Variants in DYM observed in about 807,000 individuals in gnomAD.
DYM encodes the protein dymeclin.
A neutral mutation model predicts 93.1 loss-of-function variants in DYM; 78 were observed. The observed-to-expected ratio is 0.84, with a 90% confidence interval of 0.70 to 1.01. The LOEUF is 1.01. Among genes scored for constraint, DYM ranks in the 50% least tolerant of loss-of-function variants. DYM has a pLI of 0.00. For missense variants in DYM, 789 were observed against 845.0 expected, an observed-to-expected ratio of 0.93 and a Z score of 0.82; for synonymous variants, 321 against 319.7, an observed-to-expected ratio of 1.00 and a Z score of -0.04.
chr18:49,326,340 G>A (rs1202976333), intron 8 of DYM, among the ~76,000 whole-genome samples: 1 of 151,732 alleles, frequency 6.6e-6, no homozygotes, highest in Non-Finnish European at 1.5e-5. Context: ...ATTTTTTCTT[G>A]TACTGGAAAA....
At chr18:49,401,945 G>C (rs1378474098) in intron 2 of DYM, among the ~76,000 whole-genome samples, 1 of 151,322 alleles carries the variant, frequency 6.6e-6, no homozygotes, top group Non-Finnish European at 1.5e-5. Flanking sequence ...AGAATCACTT[G>C]AACCCGGAAG....
At chr18:49,077,652 A>G (rs763671485) in intron 17 of DYM, among the ~76,000 whole-genome samples, 5 of 152,198 alleles carry the variant, frequency 3.3e-5, no homozygotes, top group Non-Finnish European at 5.9e-5. Context: ...AAGCTTTGCT[A>G]TTGGCACATG....
intron 14 of DYM, among the ~76,000 whole-genome samples, chr18:49,190,939 C>A (rs1487156388): frequency 1.3e-5 from 2 of 152,102 alleles, no homozygotes; most frequent in Non-Finnish European, 2.9e-5. Flanking sequence ...ATAAAACATA[C>A]AAAATATATG....
At chr18:49,086,303 G>A (rs1388430165) in intron 17 of DYM, among the ~76,000 whole-genome samples, 6 of 152,172 alleles carry the variant, frequency 3.9e-5, no homozygotes, top group Admixed American at 1.3e-4. Context: ...GGCATCACAT[G>A]GGGAGGGGGC....
chr18:49,420,231 G>A lies in DYM; in HGVS notation c.140+10024C>T, dbSNP rs374250063. 1.4e-3 allele frequency among the ~76,000 whole-genome samples: 206 copies of A among 146,438 alleles called. 2 individuals are homozygous for A. The highest frequency in any genetic ancestry group is 4.7e-3 in the African/African-American group (187 of 39,750). ...CGCCCAGGCTGGAGTGCAATGGCGCGATCTCAGCTCCCCACAAGCTCTGCC... is the reference window on the plus strand; with the variant it reads ...CGCCCAGGCTGGAGTGCAATGGCGCAATCTCAGCTCCCCACAAGCTCTGCC... On this transcript the variant is annotated intron_variant, in intron 2 of 17. Transcript: ENST00000675505.
chr18:49,102,698 A>C (rs184807057), intron 16 of DYM, among the ~76,000 whole-genome samples: 1 of 152,094 alleles, frequency 6.6e-6, no homozygotes, highest in Non-Finnish European at 1.5e-5. Context: ...AGTTTGCTGA[A>C]AATGATGGTT....
chr18:49,052,186 A>G (rs1403717895), intron 17 of DYM, among the ~76,000 whole-genome samples: 1 of 152,186 alleles, frequency 6.6e-6, no homozygotes, highest in Non-Finnish European at 1.5e-5. Context: ...GCCTGGGAAC[A>G]CTTTAAAAGG....
At position 49,118,933 on chromosome 18, in the gene DYM, G is replaced by C. The variant is rs779752948; in HGVS notation, c.1729-7C>G. ...TGACATTTAGGTCTTGTGCCTTATA[G>C]AGAAAAGAAACCCCAACACAGAGTC... On this transcript the variant is annotated splice_polypyrimidine_tract_variant and splice_region_variant and intron_variant, in intron 15 of 17. Transcript: ENST00000675505. The C allele has an allele frequency of 1.2e-6, 2 of 1,613,478 alleles. No individual in the cohort carries two copies. Among genetic ancestry groups the C allele is most frequent in the Non-Finnish European group, 1.7e-6 (2 of 1,179,600 alleles).
chr18:49,286,660 G>T, intron 8 of DYM, 44 bp from the exon 9 acceptor site: 1 of 1,570,758 alleles, frequency 6.4e-7, no homozygotes. Context: ...CCACCAATGA[G>T]ATGAATGTAT....
intron 2 of DYM, among the ~76,000 whole-genome samples, chr18:49,405,344 C>T (rs939074323): frequency 2.0e-5 from 3 of 152,106 alleles, no homozygotes; most frequent in Non-Finnish European, 4.4e-5. Flanking sequence ...AATGGTGTTT[C>T]CTAGGTTTTC....
intron 6 of DYM, among the ~76,000 whole-genome samples, chr18:49,361,379 C>A (rs2066002827): frequency 6.6e-6 from 1 of 152,208 alleles, no homozygotes; most frequent in African/African-American, 2.4e-5. Context: ...CTCACAAATA[C>A]CTGTCTTTCC....
intron 16 of DYM, among the ~76,000 whole-genome samples, chr18:49,106,238 T>G (rs2080787692): frequency 6.6e-6 from 1 of 152,142 alleles, no homozygotes; most frequent in South Asian, 2.1e-4. Flanking sequence ...AACCCCTGCC[T>G]TTTGTTTTCC....
intron 8 of DYM, among the ~76,000 whole-genome samples, chr18:49,300,469 G>A (rs1278957834): frequency 4.0e-5 from 6 of 151,616 alleles, no homozygotes; most frequent in East Asian, 2.0e-4. Flanking sequence ...GCATGGTGGC[G>A]CATGCCTGTA....
intron 8 of DYM, among the ~76,000 whole-genome samples, chr18:49,315,458 G>A (rs1347677824): frequency 6.6e-6 from 1 of 152,158 alleles, no homozygotes; most frequent in Non-Finnish European, 1.5e-5. Flanking sequence ...AGATGTATGT[G>A]ATGTTACAAA....
intron 14 of DYM, among the ~76,000 whole-genome samples, chr18:49,193,319 A>G (rs1222323300): frequency 6.6e-6 from 1 of 152,182 alleles, no homozygotes; most frequent in Non-Finnish European, 1.5e-5. Flanking sequence ...TTTTGTATGC[A>G]TGCTTTCTCT....
intron 1 of DYM, among the ~76,000 whole-genome samples, chr18:49,438,681 G>A (rs1157523438): frequency 6.6e-6 from 1 of 152,142 alleles, no homozygotes; most frequent in Non-Finnish European, 1.5e-5. Flanking sequence ...GGTGCTACCT[G>A]CTAGGAACAG....
intron 14 of DYM, among the ~76,000 whole-genome samples, chr18:49,169,427 C>T (rs2088362036): frequency 6.6e-6 from 1 of 152,188 alleles, no homozygotes; most frequent in Admixed American, 6.5e-5. Flanking sequence ...GTTGAGTACA[C>T]AGCAGAGCAC....
intron 16 of DYM, among the ~76,000 whole-genome samples, chr18:49,110,645 T>C (rs962089931): frequency 1.3e-5 from 2 of 152,204 alleles, no homozygotes; most frequent in Admixed American, 6.5e-5. Context: ...TTTTCTTTTA[T>C]CTTTGATTTT....
intron 17 of DYM, among the ~76,000 whole-genome samples, chr18:49,064,167 C>T (rs1198725200): frequency 2.0e-5 from 3 of 152,150 alleles, no homozygotes; most frequent in Non-Finnish European, 4.4e-5. Context: ...CTACATGAAA[C>T]TGATAGTCTA....
Sources: gnomAD v4.1 joint callset for allele counts (sites outside exome capture counted in the v4.1 genomes callset) on GRCh38, gnomAD v4.1.1 for gene constraint, MANE v1.5 for transcripts, NCBI Gene and HGNC (gene_info 2026-07-23, HGNC 2026-07-21) for gene names.